DAPP1: variants seen among roughly 807,000 people sequenced by gnomAD.
DAPP1 encodes dual adaptor of phosphotyrosine and 3-phosphoinositides 1, also known as dual adapter for phosphotyrosine and 3-phosphotyrosine and 3-phosphoinositide.
DAPP1 carries 20 observed loss-of-function variants against 41.5 expected under a neutral mutation model. That is an observed-to-expected ratio of 0.48 (90% CI 0.34 to 0.70). The LOEUF (loss-of-function observed/expected upper bound fraction) is 0.70, where lower values mean the gene tolerates loss of function less well. Ranked by LOEUF, DAPP1 falls within the 30% of genes least tolerant of loss-of-function variation. The probability of loss-of-function intolerance (pLI) is 0.01; values close to 1 mark genes in which losing one functional copy is unlikely to be tolerated. For synonymous variants in DAPP1, 113 were observed against 116.2 expected, an observed-to-expected ratio of 0.97 and a Z score of 0.18; for missense variants, 233 against 333.4, an observed-to-expected ratio of 0.70 and a Z score of 2.35.
rs915182688 is a variant in DAPP1 at position 99,856,096 on chromosome 4, CT to C, written c.489+2759del. Among the ~76,000 whole-genome samples the C allele has an allele frequency of 5.0e-4, 74 of 148,324 alleles. 1 individual carries two copies. Among genetic ancestry groups the C allele is most frequent in the Middle Eastern group, 3.5e-3 (1 of 288 alleles). Reference sequence around the variant, plus strand: ...TTAATTAATTCATTTATTAAACAAACTTTTTTTTTTTAAAGTGCTTCCAATA... The same window carrying C: ...TTAATTAATTCATTTATTAAACAAACTTTTTTTTTTAAAGTGCTTCCAATA... On this transcript the variant is annotated intron_variant, in intron 4 of 8. Coordinates refer to ENST00000512369, the MANE Select transcript of DAPP1 (RefSeq NM_014395.3).
downstream of DAPP1, among the ~76,000 whole-genome samples, chr4:99,871,756 T>G (rs1724632533): frequency 6.6e-6 from 1 of 152,228 alleles, no homozygotes; most frequent in African/African-American, 2.4e-5. Flanking sequence ...CATGCTTTGT[T>G]GATGGAATAC....
chr4:99,852,995 C>CT (rs562589957), intron 3 of DAPP1, among the ~76,000 whole-genome samples: 123 of 152,278 alleles, frequency 8.1e-4, no homozygotes, highest in Non-Finnish European at 1.5e-3. Context: ...GTTACCAGTT[C>CT]TGAGCACCAG....
chr4:99,824,459 C>T (rs992245443), intron 1 of DAPP1, among the ~76,000 whole-genome samples: 1 of 152,162 alleles, frequency 6.6e-6, no homozygotes, highest in African/African-American at 2.4e-5. Flanking sequence ...AATAAATTGA[C>T]GTTGGTTAGA....
chr4:99,856,810 C>T (rs1430246501), intron 4 of DAPP1, among the ~76,000 whole-genome samples: 1 of 152,130 alleles, frequency 6.6e-6, no homozygotes, highest in Non-Finnish European at 1.5e-5. Context: ...ATGCTAATTC[C>T]CTGTGCTGAG....
intron 1 of DAPP1, 138 bp from the exon 2 acceptor site, chr4:99,835,485 A>T: frequency 1.6e-6 from 2 of 1,233,104 alleles, no homozygotes; most frequent in East Asian, 4.8e-5. Flanking sequence ...CCTTGTCCTA[A>T]TGTTGGGGCT....
intron 3 of DAPP1, among the ~76,000 whole-genome samples, chr4:99,849,504 G>A (rs1348760503): frequency 2.6e-5 from 4 of 152,166 alleles, no homozygotes; most frequent in Admixed American, 1.3e-4. Context: ...AAATGCACAC[G>A]TTGGAAAGGC....
intron 3 of DAPP1, among the ~76,000 whole-genome samples, chr4:99,851,341 C>G (rs1392828436): frequency 6.6e-6 from 1 of 152,014 alleles, no homozygotes; most frequent in Non-Finnish European, 1.5e-5. Context: ...CAATGAGAGA[C>G]AGAAAGAGGA....
intron 1 of DAPP1, among the ~76,000 whole-genome samples, chr4:99,832,189 G>A (rs1380871118): frequency 6.6e-6 from 1 of 152,186 alleles, no homozygotes; most frequent in Non-Finnish European, 1.5e-5. Context: ...GACCTGCCTA[G>A]CACAATGCCT....
intron 3 of DAPP1, among the ~76,000 whole-genome samples, chr4:99,850,343 G>A (rs1723811253): frequency 6.6e-6 from 1 of 152,064 alleles, no homozygotes; most frequent in Non-Finnish European, 1.5e-5. Flanking sequence ...CTGGGAGGCA[G>A]ACGTTGCAGT....
chr4:99,851,865 A>T (rs1723875350), intron 3 of DAPP1, among the ~76,000 whole-genome samples: 1 of 151,614 alleles, frequency 6.6e-6, no homozygotes, highest in African/African-American at 2.4e-5. Context: ...TTTTGTGTAG[A>T]TTTATCATTA....
intron 1 of DAPP1, among the ~76,000 whole-genome samples, chr4:99,833,555 A>G (rs1384139745): frequency 1.3e-5 from 2 of 152,192 alleles, no homozygotes; most frequent in African/African-American, 4.8e-5. Context: ...GGTTCATGAC[A>G]ACAAGATCCC....
intron 1 of DAPP1, among the ~76,000 whole-genome samples, chr4:99,827,649 T>C (rs1301042185): frequency 6.6e-6 from 1 of 152,158 alleles, no homozygotes; most frequent in Admixed American, 6.5e-5. Context: ...GAATCAGCTA[T>C]GTGATGCAAT....
At chr4:99,824,375 C>T (rs1722869381) in intron 1 of DAPP1, among the ~76,000 whole-genome samples, 1 of 152,180 alleles carries the variant, frequency 6.6e-6, no homozygotes, top group Non-Finnish European at 1.5e-5. Context: ...ACTGAACCAA[C>T]GCTGATGATG....
chr4:99,843,396 CT>C (rs911578206), intron 3 of DAPP1, among the ~76,000 whole-genome samples: 14 of 152,054 alleles, frequency 9.2e-5, no homozygotes, highest in African/African-American at 3.1e-4. Flanking sequence ...TTTAAGATAT[CT>C]TTTTTTTCTA....
chr4:99,866,401 G>T (rs1408041312), intron 8 of DAPP1, among the ~76,000 whole-genome samples: 1 of 152,194 alleles, frequency 6.6e-6, no homozygotes, highest in Non-Finnish European at 1.5e-5. Flanking sequence ...GTGTCAGTTA[G>T]TTCAGTTTTG....
chr4:99,868,470 A>G lies in DAPP1; in HGVS notation c.*285A>G. On this transcript the variant is annotated 3_prime_UTR_variant, in exon 9 of 9. Transcript: ENST00000512369. ...TCACTCTTAGAACACACAATGGAAG[A>G]GGAAGGGTTTTTGTTTTCACTCATT... is the stretch of plus-strand genomic sequence containing the variant. 1 of 361,624 alleles carries G rather than the reference A, an allele frequency of 2.8e-6. No homozygotes were observed. The highest frequency in any genetic ancestry group is 4.4e-5 in the Admixed American group (1 of 22,826). 22.4% of individuals were successfully genotyped at this position (361,624 alleles called of 1,614,324 possible).
chr4:99,834,164 A>G (rs773344486), intron 1 of DAPP1, among the ~76,000 whole-genome samples: 7 of 152,210 alleles, frequency 4.6e-5, no homozygotes, highest in South Asian at 2.1e-4. Context: ...GAAAAGAAAG[A>G]TGGTGCAGAG....
At chr4:99,859,184 G>A (rs1419797447) in intron 4 of DAPP1, among the ~76,000 whole-genome samples, 1 of 152,044 alleles carries the variant, frequency 6.6e-6, no homozygotes, top group Non-Finnish European at 1.5e-5. Flanking sequence ...CCAAAGTGCT[G>A]GGATTATAGT....
intron 8 of DAPP1, chr4:99,866,603 C>G (rs1392636955): frequency 1.3e-6 from 1 of 766,000 alleles, no homozygotes; most frequent in East Asian, 2.4e-5. Flanking sequence ...TGTATATCTC[C>G]CGAGGAGAAG....
Sources: gnomAD v4.1 joint callset for allele counts (sites outside exome capture counted in the v4.1 genomes callset) on GRCh38, gnomAD v4.1.1 for gene constraint, MANE v1.5 for transcripts, NCBI Gene and HGNC (gene_info 2026-07-23, HGNC 2026-07-21) for gene names.